The following USH2A variants were observed in gnomAD, a reference collection of about 807,000 sequenced individuals.
The protein encoded by USH2A is usherin.
Under a neutral mutation model 538.9 loss-of-function variants are expected in USH2A, and 443 were observed. The observed-to-expected ratio is 0.82, with a 90% confidence interval of 0.76 to 0.89. USH2A has a LOEUF of 0.89. USH2A is among the 40% of genes least tolerant of loss of function. The probability of loss-of-function intolerance (pLI) is 0.00; values close to 1 mark genes in which losing one functional copy is unlikely to be tolerated. For synonymous variants in USH2A, 2,413 were observed against 2,273.5 expected, an observed-to-expected ratio of 1.06 and a Z score of -1.75; for missense variants, 6,633 against 6,324.8, an observed-to-expected ratio of 1.05 and a Z score of -1.65.
intron 49 of USH2A, 74 bp downstream of exon 49, chr1:215,813,662 T>A: frequency 1.3e-6 from 2 of 1,595,736 alleles, no homozygotes; most frequent in Non-Finnish European, 1.7e-6. Flanking sequence ...TTTGAAATAG[T>A]TCACTGACAT....
At chr1:216,060,311 A>C (rs1353131128) in intron 30 of USH2A, among the ~76,000 whole-genome samples, 2 of 152,224 alleles carry the variant, frequency 1.3e-5, no homozygotes, top group Admixed American at 1.3e-4. Flanking sequence ...TATGACCAGT[A>C]GAATTGAGAG....
At chr1:215,629,969 G>T (rs565298463) in intron 70 of USH2A, 1 of 384,998 alleles carries the variant, frequency 2.6e-6, no homozygotes, top group Non-Finnish European at 5.1e-6. Context: ...TAGAGACGGG[G>T]TTTCACCGTG....
At chr1:216,099,703 G>A (rs2032530814) in intron 21 of USH2A, among the ~76,000 whole-genome samples, 2 of 152,134 alleles carry the variant, frequency 1.3e-5, no homozygotes, top group African/African-American at 2.4e-5. Flanking sequence ...ATATTGATAT[G>A]AGGTGATGGT....
chr1:215,657,311 A>G (rs1161579560), intron 64 of USH2A, among the ~76,000 whole-genome samples: 1 of 152,244 alleles, frequency 6.6e-6, no homozygotes, highest in Non-Finnish European at 1.5e-5. Context: ...GGTTTTGAAT[A>G]TGTTTGAATA....
chr1:216,120,363 C>T (rs1361625838), intron 21 of USH2A, among the ~76,000 whole-genome samples: 2 of 128,740 alleles, frequency 1.6e-5, no homozygotes, highest in Non-Finnish European at 3.4e-5. Flanking sequence ...GGTGAAACCC[C>T]GTCTGTATTA....
At chr1:215,875,398 T>G (rs538870013) in intron 43 of USH2A, among the ~76,000 whole-genome samples, 41 of 152,244 alleles carry the variant, frequency 2.7e-4, no homozygotes, top group African/African-American at 9.6e-4. Flanking sequence ...ATGAAACTAG[T>G]CAAAATATCC....
intron 30 of USH2A, among the ~76,000 whole-genome samples, chr1:216,052,453 G>A (rs1236420576): frequency 6.6e-6 from 1 of 151,886 alleles, no homozygotes; most frequent in African/African-American, 2.4e-5. Context: ...TAGATGGCTT[G>A]TAAATCACAC....
At chr1:216,385,921 C>A (rs2038995679) in intron 3 of USH2A, among the ~76,000 whole-genome samples, 1 of 152,138 alleles carries the variant, frequency 6.6e-6, no homozygotes, top group Admixed American at 6.5e-5. Flanking sequence ...ACCTCATGTT[C>A]TAGGTTAAAT....
chr1:215,902,857 A>G (rs886360155), intron 38 of USH2A, among the ~76,000 whole-genome samples: 1 of 152,150 alleles, frequency 6.6e-6, no homozygotes, highest in Non-Finnish European at 1.5e-5. Context: ...ACACGGACTA[A>G]GGAGGAGAGG....
At chr1:216,338,445 T>C (rs2038016383) in intron 4 of USH2A, among the ~76,000 whole-genome samples, 1 of 151,464 alleles carries the variant, frequency 6.6e-6, no homozygotes, top group African/African-American at 2.4e-5. Flanking sequence ...ACCTCACACA[T>C]TATACAAAAA....
At chr1:215,845,749 G>T in intron 45 of USH2A, 75 bp downstream of exon 45, 1 of 1,508,610 alleles carries the variant, frequency 6.6e-7, no homozygotes, top group Non-Finnish European at 9.1e-7. Context: ...AGGGATGACT[G>T]ATCTCAACCC....
intron 13 of USH2A, among the ~76,000 whole-genome samples, chr1:216,239,561 A>G (rs2035894377): frequency 6.6e-6 from 1 of 152,208 alleles, no homozygotes; most frequent in South Asian, 2.1e-4. Context: ...CAGAGAGTTC[A>G]TGGACATTAT....
chr1:216,119,229 T>G (rs1272741421), intron 21 of USH2A, among the ~76,000 whole-genome samples: 16 of 152,190 alleles, frequency 1.1e-4, no homozygotes, highest in Admixed American at 1.0e-3. Flanking sequence ...AATTTGGTAA[T>G]GGTCTGATTA....
chr1:216,222,115 G>C (rs549437531), intron 14 of USH2A, among the ~76,000 whole-genome samples: 1 of 152,158 alleles, frequency 6.6e-6, no homozygotes, highest in South Asian at 2.1e-4. Context: ...TACTTTTAAG[G>C]TTCTTTCCCA....
chr1:216,274,444 A>G (rs2036631108), intron 11 of USH2A, among the ~76,000 whole-genome samples: 2 of 152,120 alleles, frequency 1.3e-5, no homozygotes, highest in Non-Finnish European at 2.9e-5. Context: ...GAGCCTTCTC[A>G]GCCCTAAGAT....
chr1:215,934,861 G>A, intron 37 of USH2A, 66 bp from the exon 38 acceptor site: 1 of 1,445,060 alleles, frequency 6.9e-7, no homozygotes, highest in African/African-American at 1.4e-5. Context: ...TATTATTTGA[G>A]TATTTTCTTG....
At chr1:215,989,839 G>A (rs750370857) in intron 35 of USH2A, among the ~76,000 whole-genome samples, 5 of 152,032 alleles carry the variant, frequency 3.3e-5, no homozygotes, top group Non-Finnish European at 7.4e-5. Context: ...CAAAAATCCA[G>A]GGGGAGGATT....
At chr1:216,053,281 C>G (rs573175143) in intron 30 of USH2A, among the ~76,000 whole-genome samples, 1 of 152,036 alleles carries the variant, frequency 6.6e-6, no homozygotes, top group Non-Finnish European at 1.5e-5. Flanking sequence ...AGAGAATTGA[C>G]ATATCTAAAG....
chr1:215,902,218 A>T (rs1388312900), intron 38 of USH2A, among the ~76,000 whole-genome samples: 2 of 152,152 alleles, frequency 1.3e-5, no homozygotes, highest in Non-Finnish European at 2.9e-5. Context: ...ATCAGGGTCC[A>T]TTTTCAACTT....
Sources: allele counts gnomAD v4.1 joint callset (sites outside exome capture counted in the v4.1 genomes callset), GRCh38; gene constraint gnomAD v4.1.1; transcripts MANE v1.5; gene names NCBI Gene and HGNC (gene_info 2026-07-23, HGNC 2026-07-21).